ATP6V1D: variants seen among roughly 807,000 people sequenced by gnomAD.
ATP6V1D encodes ATPase H+ transporting V1 subunit D.
A neutral mutation model predicts 39.4 loss-of-function variants in ATP6V1D; 20 were observed. That is an observed-to-expected ratio of 0.51 (90% CI 0.36 to 0.74). The LOEUF is 0.74. ATP6V1D is among the 30% of genes least tolerant of loss of function. The probability of loss-of-function intolerance (pLI) is 0.00; values close to 1 mark genes in which losing one functional copy is unlikely to be tolerated. For synonymous variants in ATP6V1D, 100 were observed against 100.5 expected, an observed-to-expected ratio of 0.99 and a Z score of 0.03; for missense variants, 228 against 291.6, an observed-to-expected ratio of 0.78 and a Z score of 1.59.
chr14:67,343,409 A>AAT lies in ATP6V1D; in HGVS notation c.484_485dup (p.Lys163LeufsTer3). On this transcript the variant is annotated frameshift_variant, in exon 7 of 9. Coordinates refer to ENST00000216442, the MANE Select transcript of ATP6V1D (RefSeq NM_015994.4). LOFTEE classifies it high-confidence loss of function. ...CATTTACACGCCTGTTGGTTATCTTAATAGCTTCATCCAAAGTAACAAAAG... is the reference window on the plus strand; with the variant it reads ...CATTTACACGCCTGTTGGTTATCTTAATATAGCTTCATCCAAAGTAACAAAAG... 1 of 1,611,712 alleles carries AAT rather than the reference A, an allele frequency of 6.2e-7. No homozygotes were observed. The highest frequency in any genetic ancestry group is 2.2e-5 in the East Asian group (1 of 44,864).
At chr14:67,347,503 T>TC (rs756192138) in intron 4 of ATP6V1D, 50 bp from the exon 5 acceptor site, 99 of 887,416 alleles carry the variant, frequency 1.1e-4, no homozygotes, top group Admixed American at 3.0e-4. Context: ...AAGTTCTCTC[T>TC]TTTTTTTTTT....
chr14:67,352,637 A>C, intron 2 of ATP6V1D: 5 of 240,328 alleles, frequency 2.1e-5, no homozygotes, highest in Non-Finnish European at 2.4e-5. Flanking sequence ...GGCAGGAGAA[A>C]GAGCTAATGA....
chr14:67,341,324 C>T (rs1455099464), intron 7 of ATP6V1D, among the ~76,000 whole-genome samples: 1 of 152,042 alleles, frequency 6.6e-6, no homozygotes, highest in Non-Finnish European at 1.5e-5. Flanking sequence ...TGCCCGGCCA[C>T]CCCGTCTGAG....
At chr14:67,351,363 A>G in intron 2 of ATP6V1D, among the ~76,000 whole-genome samples, 1 of 152,018 alleles carries the variant, frequency 6.6e-6, no homozygotes, top group East Asian at 1.9e-4. Context: ...AGGTTTAAAG[A>G]AAAAAAACTG....
At chr14:67,350,738 G>A in intron 2 of ATP6V1D, 48 bp from the exon 3 acceptor site, 1 of 1,502,532 alleles carries the variant, frequency 6.7e-7, no homozygotes. Flanking sequence ...CTTTTACAAG[G>A]AAATATTCCA....
intron 7 of ATP6V1D, among the ~76,000 whole-genome samples, chr14:67,342,357 A>G (rs544380824): frequency 6.6e-6 from 1 of 152,072 alleles, no homozygotes; most frequent in African/African-American, 2.4e-5. Context: ...ACCATAACAA[A>G]TACAACACTG....
intron 1 of ATP6V1D, among the ~76,000 whole-genome samples, chr14:67,356,571 G>C (rs947178754): frequency 6.6e-6 from 1 of 152,072 alleles, no homozygotes; most frequent in East Asian, 1.9e-4. Flanking sequence ...TTAAAGATTA[G>C]AAAAATGAGG....
chr14:67,345,816 C>T lies in ATP6V1D; in HGVS notation c.408G>A (p.Arg136=), dbSNP rs2085616227. The change falls in exon 6 of 9, where the codon AGG becomes AGA. Residue 136 remains arginine (R), a synonymous_variant. Coordinates refer to ENST00000216442, the MANE Select transcript of ATP6V1D (RefSeq NM_015994.4). The stretch of plus-strand genomic sequence containing the variant: ...GTAGTTCCACTGCTTTGGCATAATT[C>T]CTCTTTAATTTAGCCAACTGTTCCC... The part of the protein sequence containing the change: ...RGGEQLAKLK[R]NYAKAVELLV... 1.2e-6 allele frequency: 2 copies of T among 1,614,112 alleles called. No individual in the cohort carries two copies. The highest frequency in any genetic ancestry group is 1.7e-6 in the Non-Finnish European group (2 of 1,180,012).
intron 6 of ATP6V1D, among the ~76,000 whole-genome samples, chr14:67,345,363 C>T (rs2085612961): frequency 6.6e-6 from 1 of 152,110 alleles, no homozygotes; most frequent in South Asian, 2.1e-4. Context: ...TCGAGACCAG[C>T]CTGACAAACA....
At chr14:67,353,392 T>G (rs1285886547) in intron 1 of ATP6V1D, among the ~76,000 whole-genome samples, 1 of 152,178 alleles carries the variant, frequency 6.6e-6, no homozygotes, top group Non-Finnish European at 1.5e-5. Context: ...TGGGTACACC[T>G]GTAATCCCAG....
At chr14:67,339,290 C>A (rs1176008070) in intron 8 of ATP6V1D, among the ~76,000 whole-genome samples, 1 of 152,070 alleles carries the variant, frequency 6.6e-6, no homozygotes, top group Admixed American at 6.6e-5. Context: ...AGCCACCGAG[C>A]CCAGCCTAGA....
intron 2 of ATP6V1D, 125 bp from the exon 3 acceptor site, chr14:67,350,815 A>C (rs2085650452): frequency 1.6e-5 from 14 of 884,822 alleles, no homozygotes; most frequent in Non-Finnish European, 2.4e-5. Context: ...TATTGGTTTG[A>C]TAACGACAAA....
chr14:67,345,920 C>G (rs753622324), intron 5 of ATP6V1D, 49 bp from the exon 6 acceptor site: 1 of 1,188,428 alleles, frequency 8.4e-7, no homozygotes, highest in African/African-American at 1.5e-5. Context: ...AAATATCTTC[C>G]CTATAAAATT....
At chr14:67,343,572 AC>A (rs1403683200) in intron 6 of ATP6V1D, 134 bp from the exon 7 acceptor site, 1 of 659,798 alleles carries the variant, frequency 1.5e-6, no homozygotes, top group Non-Finnish European at 2.6e-6. Context: ...TGCTTAAAAA[AC>A]AAAATTCTTA....
At chr14:67,341,406 C>A (rs2085581387) in intron 7 of ATP6V1D, among the ~76,000 whole-genome samples, 1 of 152,174 alleles carries the variant, frequency 6.6e-6, no homozygotes, top group African/African-American at 2.4e-5. Context: ...GGCAGCCGCC[C>A]CGTCTGGGAA....
intron 2 of ATP6V1D, among the ~76,000 whole-genome samples, chr14:67,351,472 C>G (rs1394948431): frequency 6.6e-6 from 1 of 152,066 alleles, no homozygotes; most frequent in East Asian, 1.9e-4. Flanking sequence ...AGAAAAAGAC[C>G]AACAGATTTG....
chr14:67,341,117 C>G (rs923345485), intron 7 of ATP6V1D, among the ~76,000 whole-genome samples: 6 of 152,234 alleles, frequency 3.9e-5, no homozygotes, highest in Admixed American at 6.5e-5. Flanking sequence ...AGTGAGGAGC[C>G]TCTCTGCCTG....
rs548258134 is a variant in ATP6V1D, at chr14:67,337,919, C to A, written c.*702G>T. 1 of 152,300 alleles carries A rather than the reference C, an allele frequency of 6.6e-6. No homozygotes were observed. Among genetic ancestry groups the A allele is most frequent in the African/African-American group, 2.4e-5 (1 of 41,566 alleles). The allele number at this position is 152,300 out of a possible 1,614,324, so 9.4% of individuals were successfully genotyped here. ...TAGTACCCCAAAATGCAACAGTTGT[C>A]TCAAAAGTAAGCCTTTTTGTAAAAC... On this transcript the variant is annotated 3_prime_UTR_variant, in exon 9 of 9. Coordinates refer to ENST00000216442, the MANE Select transcript of ATP6V1D (RefSeq NM_015994.4).
chr14:67,359,744 GC>G lies in ATP6V1D; in HGVS notation c.-47del, dbSNP rs1566606319. ...TCGGGTCCCCGGCCGGGCAACCGAG[GC>G]TGCAATAGCTCCAGAACTGGCCTCC... On this transcript the variant is annotated 5_prime_UTR_variant, in exon 1 of 9. Transcript: ENST00000216442. 6.2e-7 allele frequency: 1 copy of G among 1,610,252 alleles called. No homozygotes were observed. The highest frequency in any genetic ancestry group is 1.1e-5 in the South Asian group (1 of 90,994).
Sources: gnomAD v4.1 joint callset for allele counts (sites outside exome capture counted in the v4.1 genomes callset) on GRCh38, gnomAD v4.1.1 for gene constraint, MANE v1.5 for transcripts, NCBI Gene and HGNC (gene_info 2026-07-23, HGNC 2026-07-21) for gene names.